The following FANCL variants were observed in gnomAD, a reference collection of about 807,000 sequenced individuals.
FANCL encodes E3 ubiquitin-protein ligase FANCL.
Under a neutral mutation model 59.4 loss-of-function variants are expected in FANCL, and 69 were observed. The observed-to-expected ratio is 1.16, with a 90% CI of 0.96 to 1.42. The LOEUF (loss-of-function observed/expected upper bound fraction) is 1.42, where lower values mean the gene tolerates loss of function less well. Ranked by LOEUF, FANCL falls within the 40% of genes most tolerant of loss-of-function variation. The pLI is 0.00. For synonymous variants in FANCL, 180 were observed against 147.1 expected (o/e 1.22, Z -1.62); for missense variants, 519 against 447.2 (o/e 1.16, Z -1.45).
chr2:58,239,657 T>C (rs1694332854), intron 1 of FANCL, among the ~76,000 whole-genome samples: 1 of 152,202 alleles, frequency 6.6e-6, no homozygotes, highest in Non-Finnish European at 1.5e-5. Flanking sequence ...ACTGTGGTTA[T>C]GTATGAGTGT....
chr2:58,207,033 C>A (rs533379841), intron 5 of FANCL, among the ~76,000 whole-genome samples: 3 of 152,252 alleles, frequency 2.0e-5, no homozygotes, highest in African/African-American at 7.2e-5. Flanking sequence ...TTAGCAGGAT[C>A]CACTTCACCC....
chr2:58,168,118 T>C (rs764333125), intron 7 of FANCL, among the ~76,000 whole-genome samples: 3 of 152,180 alleles, frequency 2.0e-5, no homozygotes, highest in Non-Finnish European at 2.9e-5. Context: ...CTCTAAAAAA[T>C]ATTTTTAAAA....
intron 7 of FANCL, among the ~76,000 whole-genome samples, chr2:58,173,449 T>C (rs1686896971): frequency 6.6e-6 from 1 of 152,094 alleles, no homozygotes; most frequent in Non-Finnish European, 1.5e-5. Context: ...CAGCAGAAAC[T>C]CTACAAGCCA....
At chr2:58,176,970 GGACATGAACA>G (rs1687391576) in intron 7 of FANCL, among the ~76,000 whole-genome samples, 1 of 152,098 alleles carries the variant, frequency 6.6e-6, no homozygotes, top group African/African-American at 2.4e-5. Context: ...AGTGGGCAAA[GGACATGAACA>G]GACACTTCTC....
intron 5 of FANCL, among the ~76,000 whole-genome samples, chr2:58,219,751 C>T (rs1185525030): frequency 6.6e-6 from 1 of 152,064 alleles, no homozygotes; most frequent in East Asian, 1.9e-4. Context: ...TTCCTAGAGG[C>T]CAAGTCAAAG....
rs1684893932 is a variant in FANCL at position 58,160,116 on chromosome 2, A to G, written c.1084T>C (p.Cys362Arg). ...FNIIFGECPY[C>R]SKPITLKMSG... The stretch of plus-strand genomic sequence containing the variant: ...ATTAACAATTTGCTTACCTTACTAC[A>G]ATATGGACATTCACCAAATATGATG... The change falls in exon 13 of 14, where the codon TGT becomes CGT. Residue 362 changes from cysteine to arginine, a missense_variant. By Grantham distance (180) the Cys-to-Arg change is radical. Transcript: ENST00000233741. The G allele has an allele frequency of 6.2e-7, 1 of 1,612,730 alleles. No homozygotes were observed. Among genetic ancestry groups the G allele is most frequent in the Non-Finnish European group, 8.5e-7 (1 of 1,178,958 alleles).
chr2:58,232,700 T>C (rs1177273147), intron 1 of FANCL, among the ~76,000 whole-genome samples: 2 of 152,006 alleles, frequency 1.3e-5, no homozygotes, highest in African/African-American at 4.8e-5. Flanking sequence ...TAACTATATA[T>C]TTGAACAAAC....
intron 2 of FANCL, 76 bp from the exon 3 acceptor site, chr2:58,229,950 G>T: frequency 1.0e-6 from 1 of 973,612 alleles, no homozygotes; most frequent in Middle Eastern, 2.8e-4. Context: ...ACACAAACAT[G>T]CATGTACATA....
chr2:58,202,059 G>A (rs1299989249), intron 6 of FANCL, among the ~76,000 whole-genome samples: 1 of 151,366 alleles, frequency 6.6e-6, no homozygotes, highest in African/African-American at 2.4e-5. Flanking sequence ...TCAACTATTA[G>A]TGTAGTTGAC....
intron 1 of FANCL, among the ~76,000 whole-genome samples, chr2:58,233,875 G>A (rs1693790806): frequency 6.6e-6 from 1 of 151,982 alleles, no homozygotes. Flanking sequence ...AGAAAAGATA[G>A]GTAGAGACAC....
chr2:58,169,775 G>A (rs556841009), intron 7 of FANCL, among the ~76,000 whole-genome samples: 12 of 151,926 alleles, frequency 7.9e-5, no homozygotes, highest in Admixed American at 1.3e-4. Flanking sequence ...ATCAATTGCC[G>A]AATCAATCAA....
At chr2:58,178,686 C>G (rs1687617972) in intron 7 of FANCL, among the ~76,000 whole-genome samples, 1 of 152,128 alleles carries the variant, frequency 6.6e-6, no homozygotes, top group African/African-American at 2.4e-5. Context: ...CAAGGATGCT[C>G]TCTCTCACCA....
chr2:58,229,811 T>C lies in FANCL; in HGVS notation c.216+3A>G, dbSNP rs956155643. ...AAACATAAACCTTTTAAAAAGGACT[T>C]ACCTGTTGTACTATTCGATGGTATC... is the stretch of plus-strand genomic sequence containing the variant. On this transcript the variant is annotated splice_donor_region_variant and intron_variant, in intron 3 of 13. Transcript: ENST00000233741. 6.2e-7 allele frequency: 1 copy of C among 1,602,136 alleles called. No individual in the cohort carries two copies. Among genetic ancestry groups the C allele is most frequent in the African/African-American group, 1.3e-5 (1 of 74,772 alleles).
chr2:58,183,571 T>C (rs986389372), intron 7 of FANCL, among the ~76,000 whole-genome samples: 5 of 151,992 alleles, frequency 3.3e-5, no homozygotes, highest in African/African-American at 7.2e-5. Flanking sequence ...CTCTGCTTCA[T>C]TGATTTTATT....
intron 5 of FANCL, among the ~76,000 whole-genome samples, chr2:58,208,102 G>C (rs968625075): frequency 1.9e-4 from 29 of 151,980 alleles, no homozygotes; most frequent in African/African-American, 6.8e-4. Context: ...TCTCACTTTA[G>C]ACAACAGGAA....
chr2:58,204,062 A>G, intron 6 of FANCL, 68 bp downstream of exon 6: 3 of 1,149,204 alleles, frequency 2.6e-6, no homozygotes, highest in Non-Finnish European at 4.0e-6. Context: ...CTTTACATTG[A>G]GAGCATTCAC....
chr2:58,163,509 C>G lies in FANCL; in HGVS notation c.700G>C (p.Val234Leu). 1 of 1,587,310 alleles carries G rather than the reference C, an allele frequency of 6.3e-7. No individual in the cohort carries two copies. The highest frequency in any genetic ancestry group is 8.7e-7 in the Non-Finnish European group (1 of 1,156,046). Residue 234 changes from valine (V) to leucine (L), a missense_variant, in exon 9 of 14, where the codon GTT (valine) becomes CTT (leucine). Val to Leu is a conservative substitution (Grantham distance 32, BLOSUM62 1). Coordinates refer to ENST00000233741, the MANE Select transcript of FANCL (RefSeq NM_018062.4). Reference protein sequence around the residue: ...TARRIALGNNVSINIEVDPRH... With the variant: ...TARRIALGNNLSINIEVDPRH... Reference sequence around the variant, plus strand: ...GGGTCTACCTCTATATTTATGGAAACATTATTACCTAGAATGAAACAAGAT... The same window carrying G: ...GGGTCTACCTCTATATTTATGGAAAGATTATTACCTAGAATGAAACAAGAT...
chr2:58,237,354 T>C (rs1694115378), intron 1 of FANCL, among the ~76,000 whole-genome samples: 1 of 152,016 alleles, frequency 6.6e-6, no homozygotes. Flanking sequence ...AGAAAGATAA[T>C]CATAATTCTA....
intron 10 of FANCL, 40 bp downstream of exon 10, chr2:58,162,989 A>C: frequency 6.2e-7 from 1 of 1,612,516 alleles, no homozygotes; most frequent in Non-Finnish European, 8.5e-7. Flanking sequence ...AACTTTGTAA[A>C]ATCACCAAAA....
Sources: allele counts gnomAD v4.1 joint callset (sites outside exome capture counted in the v4.1 genomes callset), GRCh38; gene constraint gnomAD v4.1.1; transcripts MANE v1.5; gene names NCBI Gene and HGNC (gene_info 2026-07-23, HGNC 2026-07-21).